The following DAB2IP variants were observed in gnomAD, a reference collection of about 807,000 sequenced individuals.
DAB2IP encodes the protein disabled homolog 2-interacting protein.
A neutral mutation model predicts 107.2 loss-of-function variants in DAB2IP; 28 were observed. The ratio of observed to expected loss-of-function variants is 0.26; its 90% CI spans 0.19 to 0.36. The LOEUF (loss-of-function observed/expected upper bound fraction) is 0.36, where lower values mean the gene tolerates loss of function less well. Among genes scored for constraint, DAB2IP ranks in the 10% least tolerant of loss-of-function variants. DAB2IP has a pLI of 1.00. For missense variants in DAB2IP, 1,400 were observed against 1,644.7 expected, an observed-to-expected ratio of 0.85 and a Z score of 2.57; for synonymous variants, 755 against 706.4, an observed-to-expected ratio of 1.07 and a Z score of -1.09.
chr9:121,567,331 G>A (rs1589363577), intron 1 of DAB2IP: 1 of 1,546,466 alleles, frequency 6.5e-7, no homozygotes, highest in Non-Finnish European at 8.9e-7. Flanking sequence ...GAGGCAGTCA[G>A]GCATCTGGGC....
At chr9:121,694,387 G>A (rs868625251) in intron 2 of DAB2IP, among the ~76,000 whole-genome samples, 2 of 152,136 alleles carry the variant, frequency 1.3e-5, no homozygotes, top group African/African-American at 4.8e-5. Context: ...GGCATTGGGC[G>A]CTCCTAGGCA....
chr9:121,642,017 CTCTCTCTCTCTCTCTT>C (rs1405271150), intron 1 of DAB2IP, among the ~76,000 whole-genome samples: 1 of 15,194 alleles, frequency 6.6e-5, no homozygotes, highest in Non-Finnish European at 1.2e-4. Flanking sequence ...CTCTCTCTCT[CTCTCTCTCTCTCTCTT>C]TCTTTCTTTC....
intron 3 of DAB2IP, chr9:121,742,657 C>A: frequency 2.3e-6 from 2 of 875,334 alleles, no homozygotes; most frequent in Non-Finnish European, 2.7e-6. Flanking sequence ...AGGGCCTCGG[C>A]CAGCTTGCCT....
chr9:121,631,310 A>G (rs576599530), intron 1 of DAB2IP, among the ~76,000 whole-genome samples: 1 of 152,276 alleles, frequency 6.6e-6, no homozygotes, highest in South Asian at 2.1e-4. Context: ...CATCCTGGGA[A>G]GGCTTCATGG....
At chr9:121,574,650 G>A (rs866705789) in intron 1 of DAB2IP, among the ~76,000 whole-genome samples, 2 of 152,154 alleles carry the variant, frequency 1.3e-5, no homozygotes, top group South Asian at 4.1e-4. Flanking sequence ...GCCACACAGC[G>A]AGTGAGGAAC....
intron 1 of DAB2IP, among the ~76,000 whole-genome samples, chr9:121,677,686 G>C (rs1190619223): frequency 1.3e-5 from 2 of 152,122 alleles, no homozygotes; most frequent in Admixed American, 6.5e-5. Flanking sequence ...TTTTGAGACA[G>C]AGTCTCACTC....
At chr9:121,573,164 C>T (rs1364076734) in intron 1 of DAB2IP, among the ~76,000 whole-genome samples, 1 of 152,076 alleles carries the variant, frequency 6.6e-6, no homozygotes, top group Admixed American at 6.5e-5. Flanking sequence ...CCAACCTCTG[C>T]CTCCTGGGTT....
intron 1 of DAB2IP, among the ~76,000 whole-genome samples, chr9:121,639,655 C>A (rs536147967): frequency 8.7e-4 from 132 of 152,224 alleles, no homozygotes; most frequent in African/African-American, 3.2e-3. Context: ...CCATTTTGGG[C>A]CTCAGTTTGC....
At position 121,651,905 on chromosome 9, in the gene DAB2IP, C is replaced by T; in HGVS notation, c.124+6C>T. ...CCGGACCCGGCCTGCCAGGGGTAGG[C>T]GCCACCCCGACCCCTGACCCCTAGA... On this transcript the variant is annotated splice_donor_region_variant and intron_variant, in intron 1 of 15. Transcript: ENST00000408936. This position sits in a 1 kb window ranked among gnomAD's most constrained non-coding sequence, Gnocchi z 5.1. The T allele has an allele frequency of 7.2e-7, 1 of 1,384,916 alleles. No individual in the cohort carries two copies. Among genetic ancestry groups the T allele is most frequent in the Non-Finnish European group, 9.4e-7 (1 of 1,062,122 alleles). The allele number at this position is 1,384,916 out of a possible 1,614,324, so 85.8% of individuals were successfully genotyped here.
intron 3 of DAB2IP, among the ~76,000 whole-genome samples, chr9:121,754,921 C>T (rs1004940920): frequency 6.6e-6 from 1 of 152,208 alleles, no homozygotes; most frequent in African/African-American, 2.4e-5. Flanking sequence ...CCCCACCCTC[C>T]CTGGCTCCCA....
At chr9:121,727,031 T>G (rs949315611) in intron 3 of DAB2IP, among the ~76,000 whole-genome samples, 4 of 151,878 alleles carry the variant, frequency 2.6e-5, no homozygotes, top group East Asian at 3.9e-4. Context: ...CTCAAAAATA[T>G]TGTGCTGGAC....
At chr9:121,629,033 T>C (rs1171748716) in intron 1 of DAB2IP, among the ~76,000 whole-genome samples, 11 of 152,176 alleles carry the variant, frequency 7.2e-5, no homozygotes, top group Admixed American at 3.9e-4. Flanking sequence ...CACTTGCGCC[T>C]GGAGTGATGG....
At chr9:121,624,978 C>A (rs1219165864) in intron 1 of DAB2IP, among the ~76,000 whole-genome samples, 3 of 152,200 alleles carry the variant, frequency 2.0e-5, no homozygotes, top group Non-Finnish European at 4.4e-5. Context: ...GGGCCGGGAT[C>A]TCGGAGGCTA....
In DAB2IP at chr9:121,782,611, G is replaced by A. The variant is rs1835743725; in HGVS notation, c.*113G>A. The A allele has an allele frequency of 6.6e-7, 1 of 1,517,332 alleles. No homozygotes were observed. Among genetic ancestry groups the A allele is most frequent in the African/African-American group, 1.4e-5 (1 of 72,612 alleles). 94.0% of individuals were successfully genotyped at this position (1,517,332 alleles called of 1,614,324 possible). A position where few individuals can be genotyped will look rare whatever the true frequency, so the allele number is the denominator to read the frequency against. On this transcript the variant is annotated 3_prime_UTR_variant, in exon 16 of 16. Coordinates refer to ENST00000408936, the Ensembl canonical transcript of DAB2IP. This position sits in a 1 kb window ranked among gnomAD's most constrained non-coding sequence, Gnocchi z 6.1. ...TGCAGCCCCAGCGCGGGTGTCAGGAGGCCGAGCCTCCCCTCCCTGCCGCTG... is the reference window on the plus strand; with the variant it reads ...TGCAGCCCCAGCGCGGGTGTCAGGAAGCCGAGCCTCCCCTCCCTGCCGCTG...
Position 121,599,201 on chromosome 9 carries a change from G to T in DAB2IP, c.40+31973G>T, listed in dbSNP as rs1215855741. On this transcript the variant is annotated intron_variant, in intron 1 of 16. Coordinates refer to the DAB2IP transcript ENST00000259371. This position sits in a 1 kb window ranked among gnomAD's most constrained non-coding sequence, Gnocchi z 6.9. ...AAAGCAAAGTCGCGGCCCACTCCTCGGTCCCGTACCCTCATAGCGCCGAAA... is the reference window on the plus strand; with the variant it reads ...AAAGCAAAGTCGCGGCCCACTCCTCTGTCCCGTACCCTCATAGCGCCGAAA... 6.6e-6 allele frequency among the ~76,000 whole-genome samples: 1 copy of T among 152,134 alleles called. No homozygotes were observed. The highest frequency in any genetic ancestry group is 1.5e-5 in the Non-Finnish European group (1 of 68,022).
chr9:121,776,453 G>T lies in DAB2IP; in HGVS notation c.3314+62G>T. ...AGGCAGGGCAGCCATCGCTGCCTTC[G>T]AGGAGGCCCCTGGTCGGGGAGCCTC... is the stretch of plus-strand genomic sequence containing the variant. On this transcript the variant is annotated intron_variant, in intron 14 of 15. Coordinates refer to ENST00000408936, the Ensembl canonical transcript of DAB2IP. The surrounding 1 kb of genome is among the most constrained non-coding windows in gnomAD (Gnocchi z 5.4). 6.9e-7 allele frequency: 1 copy of T among 1,448,464 alleles called. No homozygotes were observed. The highest frequency in any genetic ancestry group is 9.1e-7 in the Non-Finnish European group (1 of 1,095,998). The allele number at this position is 1,448,464 out of a possible 1,614,324, so 89.7% of individuals were successfully genotyped here.
chr9:121,610,430 T>A (rs1831051618), intron 1 of DAB2IP, among the ~76,000 whole-genome samples: 1 of 152,298 alleles, frequency 6.6e-6, no homozygotes, highest in African/African-American at 2.4e-5. Context: ...ACCTCTGTTT[T>A]GCAGATGAGG....
chr9:121,676,060 G>C (rs900237652), intron 1 of DAB2IP, among the ~76,000 whole-genome samples: 1 of 152,254 alleles, frequency 6.6e-6, no homozygotes, highest in African/African-American at 2.4e-5. Context: ...AGCCATGTGG[G>C]AAGGGAGCTT....
chr9:121,666,301 T>G lies in DAB2IP; in HGVS notation c.125-12377T>G, dbSNP rs558818311. On this transcript the variant is annotated intron_variant, in intron 1 of 15. Coordinates refer to ENST00000408936, the Ensembl canonical transcript of DAB2IP. ...TCTCCTCATCTCGACATCCTTAAATTAATCACATCTGCAAAGTCCCTTTTG... is the reference window on the plus strand; with the variant it reads ...TCTCCTCATCTCGACATCCTTAAATGAATCACATCTGCAAAGTCCCTTTTG... Among the ~76,000 whole-genome samples, 4 of 152,340 alleles carry G rather than the reference T, an allele frequency of 2.6e-5. No individual in the cohort carries two copies. In the East Asian group the frequency reaches 5.8e-4, roughly 22 times the overall value.
Sources: gnomAD v4.1 joint callset for allele counts (sites outside exome capture counted in the v4.1 genomes callset) on GRCh38, gnomAD v4.1.1 for gene constraint, Gnocchi (gnomAD v3.1) non-coding constraint, MANE v1.5 for transcripts, NCBI Gene and HGNC (gene_info 2026-07-23, HGNC 2026-07-21) for gene names.